GRIN2B: variants seen among roughly 807,000 people sequenced by gnomAD.
GRIN2B encodes the protein glutamate ionotropic receptor NMDA type subunit 2B, also known as glutamate receptor ionotropic, NMDA 2B.
In GRIN2B, 5 loss-of-function variants were observed where a neutral mutation model predicts 114.5. The ratio of observed to expected loss-of-function variants is 0.04; its 90% CI spans 0.02 to 0.09. The LOEUF (loss-of-function observed/expected upper bound fraction) is 0.09, where lower values mean the gene tolerates loss of function less well. GRIN2B is among the 10% of genes least tolerant of loss of function. The probability of loss-of-function intolerance (pLI) is 1.00; values close to 1 mark genes in which losing one functional copy is unlikely to be tolerated. For synonymous variants in GRIN2B, 787 were observed against 745.1 expected (o/e 1.06, Z -0.92); for missense variants, 1,108 against 1,943.5 (o/e 0.57, Z 8.08).
At position 13,775,247 on chromosome 12, in the gene GRIN2B, G is replaced by T. The variant is rs115020292; in HGVS notation, c.412-21332C>A. Among the ~76,000 whole-genome samples, 4 of 152,274 alleles carry T rather than the reference G, an allele frequency of 2.6e-5. No homozygotes were observed. The East Asian group carries it at 7.7e-4, about 29-fold the overall frequency. The stretch of plus-strand genomic sequence containing the variant: ...GCAGAGGAGCAAAAGATAAACAGAA[G>T]ATAACATAATAGGTAATAACTATAC... On this transcript the variant is annotated intron_variant, in intron 3 of 13. Transcript: ENST00000609686.
chr12:13,564,610 C>G lies in GRIN2B; in HGVS notation c.2628G>C (p.Ala876=), dbSNP rs199710029. Residue 876 remains alanine (A), a synonymous_variant, in exon 14 of 14, where the codon GCG becomes GCC. Coordinates refer to ENST00000609686, the MANE Select transcript of GRIN2B (RefSeq NM_000834.5). The surrounding 1 kb of genome is among the most constrained non-coding windows in gnomAD (Gnocchi z 4.8). The part of the protein sequence containing the change: ...RGIYSCIHGV[A]IEERQSVMNS... ...TCATTACAGACTGGCGCTCCTCGAT[C>G]GCCACCCCATGGATGCAGCTGTAGA... 6.2e-7 allele frequency: 1 copy of G among 1,613,876 alleles called. No homozygotes were observed. The highest frequency in any genetic ancestry group is 8.5e-7 in the Non-Finnish European group (1 of 1,179,986).
At chr12:13,910,671 T>A (rs904898161) in intron 2 of GRIN2B, among the ~76,000 whole-genome samples, 11 of 152,210 alleles carry the variant, frequency 7.2e-5, no homozygotes, top group African/African-American at 2.7e-4. Context: ...AAATTTTTTG[T>A]TATAAAATAT....
chr12:13,951,131 C>G (rs219928), intron 2 of GRIN2B, among the ~76,000 whole-genome samples: 8 of 152,288 alleles, frequency 5.3e-5, no homozygotes, highest in African/African-American at 1.9e-4. Context: ...ATATCAAATA[C>G]TTTTAGTATA....
chr12:13,634,024 C>T (rs1184428837), intron 5 of GRIN2B, among the ~76,000 whole-genome samples: 3 of 152,164 alleles, frequency 2.0e-5, no homozygotes, highest in Non-Finnish European at 4.4e-5. Flanking sequence ...TCCTGAGCTG[C>T]TATACATACA....
intron 3 of GRIN2B, among the ~76,000 whole-genome samples, chr12:13,764,110 G>A (rs1001577915): frequency 9.4e-5 from 13 of 138,830 alleles, no homozygotes; most frequent in African/African-American, 1.1e-4. Flanking sequence ...AGAAACACAC[G>A]AAAACTACTT....
At chr12:13,919,793 A>G (rs924341679) in intron 2 of GRIN2B, among the ~76,000 whole-genome samples, 1 of 152,154 alleles carries the variant, frequency 6.6e-6, no homozygotes, top group African/African-American at 2.4e-5. Context: ...CTCCATTCTG[A>G]ACACTGATGG....
At chr12:13,773,572 T>G (rs766326533) in intron 3 of GRIN2B, among the ~76,000 whole-genome samples, 11 of 152,194 alleles carry the variant, frequency 7.2e-5, no homozygotes, top group Non-Finnish European at 1.6e-4. Flanking sequence ...TTTTGGAGTA[T>G]GACGAAACTG....
chr12:13,766,410 T>G (rs536100624), intron 3 of GRIN2B, among the ~76,000 whole-genome samples: 3 of 152,298 alleles, frequency 2.0e-5, no homozygotes, highest in South Asian at 2.1e-4. Context: ...TTTTGTGCAG[T>G]GAGCAAAGTA....
At chr12:13,701,513 C>CAAAAAAAAAAAAA (rs10536664) in intron 4 of GRIN2B, among the ~76,000 whole-genome samples, 1 of 130,786 alleles carries the variant, frequency 7.6e-6, no homozygotes. Flanking sequence ...TTCAGTGGCA[C>CAAAAAAAAAAAAA]AAAAAAAAAA....
intron 5 of GRIN2B, among the ~76,000 whole-genome samples, chr12:13,673,022 T>C (rs1950037911): frequency 6.6e-6 from 1 of 152,140 alleles, no homozygotes; most frequent in South Asian, 2.1e-4. Flanking sequence ...GAGGACACAA[T>C]TGAGCTAAAG....
intron 5 of GRIN2B, among the ~76,000 whole-genome samples, chr12:13,665,518 T>C (rs922235083): frequency 1.3e-5 from 2 of 152,166 alleles, no homozygotes; most frequent in African/African-American, 2.4e-5. Context: ...TGTACTCTTA[T>C]ACTCCATGTA....
intron 2 of GRIN2B, among the ~76,000 whole-genome samples, chr12:13,895,135 C>T (rs772436134): frequency 5.3e-5 from 8 of 152,126 alleles, no homozygotes; most frequent in Non-Finnish European, 7.4e-5. Flanking sequence ...TGGTTTGATT[C>T]AGTTCAACCT....
intron 3 of GRIN2B, among the ~76,000 whole-genome samples, chr12:13,786,800 C>T (rs1220610287): frequency 1.3e-5 from 2 of 152,132 alleles, no homozygotes; most frequent in East Asian, 1.9e-4. Flanking sequence ...CTTGTTTTGC[C>T]GCTGTGCCTG....
intron 2 of GRIN2B, among the ~76,000 whole-genome samples, chr12:13,946,045 A>C (rs1473488053): frequency 6.6e-6 from 1 of 152,170 alleles, no homozygotes; most frequent in Non-Finnish European, 1.5e-5. Context: ...TGGAGAGATA[A>C]TGAGTGAAAA....
intron 3 of GRIN2B, among the ~76,000 whole-genome samples, chr12:13,835,413 A>C (rs949932257): frequency 3.3e-5 from 5 of 152,160 alleles, no homozygotes; most frequent in Non-Finnish European, 7.3e-5. Context: ...TCTGGGAAAT[A>C]ATATTTAAAA....
chr12:13,622,618 T>A (rs180691991), intron 5 of GRIN2B, among the ~76,000 whole-genome samples: 2 of 152,306 alleles, frequency 1.3e-5, no homozygotes, highest in South Asian at 2.1e-4. Flanking sequence ...TATTTTTTTT[T>A]AAATGTATCC....
intron 4 of GRIN2B, among the ~76,000 whole-genome samples, chr12:13,741,281 T>G (rs1213930779): frequency 1.3e-5 from 2 of 152,068 alleles, no homozygotes; most frequent in East Asian, 3.9e-4. Flanking sequence ...CCACCCACCT[T>G]GGCCTTCCAA....
intron 3 of GRIN2B, among the ~76,000 whole-genome samples, chr12:13,784,809 A>T (rs1489426928): frequency 6.6e-6 from 1 of 152,194 alleles, no homozygotes; most frequent in Non-Finnish European, 1.5e-5. Context: ...ACCAGCCAAC[A>T]CTGAAACATG....
At chr12:13,645,036 C>T (rs1024605951) in intron 5 of GRIN2B, among the ~76,000 whole-genome samples, 5 of 152,118 alleles carry the variant, frequency 3.3e-5, no homozygotes, top group Non-Finnish European at 7.4e-5. Flanking sequence ...TGGCTTCCTT[C>T]AATAAGCTTT....
Sources: allele counts gnomAD v4.1 joint callset (sites outside exome capture counted in the v4.1 genomes callset), GRCh38; gene constraint gnomAD v4.1.1; non-coding constraint Gnocchi (gnomAD v3.1); transcripts MANE v1.5; gene names NCBI Gene and HGNC (gene_info 2026-07-23, HGNC 2026-07-21).